Variants in TRIO observed in about 807,000 individuals in gnomAD.
TRIO encodes triple functional domain protein.
Under a neutral mutation model 351.9 loss-of-function variants are expected in TRIO, and 58 were observed. The observed-to-expected ratio is 0.16, with a 90% CI of 0.13 to 0.21. The LOEUF is 0.21. Ranked by LOEUF, TRIO falls within the 10% of genes least tolerant of loss-of-function variation. The pLI, the probability that TRIO is intolerant of heterozygous loss-of-function variation, is 1.00. For missense variants in TRIO, 3,201 were observed against 4,027.8 expected (o/e 0.79, Z 5.56); for synonymous variants, 1,758 against 1,595.7 (o/e 1.10, Z -2.42).
At chr5:14,183,848 A>G in intron 1 of TRIO, 2 of 653,366 alleles carry the variant, frequency 3.1e-6, no homozygotes, top group South Asian at 1.5e-5. Flanking sequence ...CCTGAGGGAC[A>G]CTGCCAACTG....
chr5:14,340,690 C>A (rs1211950053), intron 11 of TRIO, among the ~76,000 whole-genome samples: 1 of 152,166 alleles, frequency 6.6e-6, no homozygotes, highest in Non-Finnish European at 1.5e-5. Context: ...TCAGGAATCT[C>A]TTTAAGAAAC....
At chr5:14,212,567 C>T (rs974518695) in intron 1 of TRIO, among the ~76,000 whole-genome samples, 2 of 152,140 alleles carry the variant, frequency 1.3e-5, no homozygotes, top group African/African-American at 4.8e-5. Context: ...TAAATGTTAA[C>T]CTGTGCCAGT....
At position 14,175,337 on chromosome 5, in the gene TRIO, T is replaced by G. The variant is rs78066508; in HGVS notation, c.157+31455T>G. 1.9e-3 allele frequency among the ~76,000 whole-genome samples: 296 copies of G among 152,264 alleles called. 6 individuals are homozygous for G. In the East Asian group the frequency reaches 0.05, roughly 26 times the overall value. On this transcript the variant is annotated intron_variant, in intron 1 of 56. Coordinates refer to ENST00000344204, the MANE Select transcript of TRIO (RefSeq NM_007118.4). ...ATTCAAATGCTTTCTAAAAGGCGTT[T>G]TCTAATTCCTTTCCAGTTTTTTCCA... is the stretch of plus-strand genomic sequence containing the variant.
intron 37 of TRIO, among the ~76,000 whole-genome samples, chr5:14,467,746 G>A (rs960183773): frequency 1.3e-5 from 2 of 152,182 alleles, no homozygotes; most frequent in African/African-American, 4.8e-5. Flanking sequence ...CCAGGAGGTT[G>A]AGGCTGCAGT....
chr5:14,341,749 CAG>C (rs1741957944), intron 11 of TRIO, among the ~76,000 whole-genome samples: 1 of 152,284 alleles, frequency 6.6e-6, no homozygotes, highest in East Asian at 1.9e-4. Context: ...AGCTCTCAGC[CAG>C]AGTTTGTTTC....
At chr5:14,398,055 T>A (rs1375584631) in intron 29 of TRIO, among the ~76,000 whole-genome samples, 1 of 152,222 alleles carries the variant, frequency 6.6e-6, no homozygotes, top group Non-Finnish European at 1.5e-5. Context: ...CCCGCTACTT[T>A]GCTCACTTGC....
chr5:14,147,124 A>G (rs1471123008), intron 1 of TRIO, among the ~76,000 whole-genome samples: 1 of 152,222 alleles, frequency 6.6e-6, no homozygotes, highest in Non-Finnish European at 1.5e-5. Context: ...AGAGCTCAGC[A>G]CAGTAAAACC....
intron 2 of TRIO, among the ~76,000 whole-genome samples, chr5:14,278,597 T>G (rs1735737796): frequency 6.6e-6 from 1 of 152,214 alleles, no homozygotes; most frequent in Admixed American, 6.5e-5. Flanking sequence ...CTATGATAAT[T>G]TCAGTCAAGG....
intron 34 of TRIO, among the ~76,000 whole-genome samples, chr5:14,429,635 T>C (rs553985743): frequency 1.6e-4 from 25 of 152,292 alleles, no homozygotes; most frequent in African/African-American, 5.5e-4. Flanking sequence ...AACTTTTTTC[T>C]AAATAAGAGA....
At chr5:14,268,903 G>T (rs760471936) in intron 1 of TRIO, among the ~76,000 whole-genome samples, 1 of 152,156 alleles carries the variant, frequency 6.6e-6, no homozygotes, top group Non-Finnish European at 1.5e-5. Flanking sequence ...AGTGAGTTAC[G>T]GTGACTGGCA....
At chr5:14,456,557 AGCAT>A (rs138929446) in intron 34 of TRIO, among the ~76,000 whole-genome samples, 56 of 152,354 alleles carry the variant, frequency 3.7e-4, no homozygotes, top group African/African-American at 1.3e-3. Context: ...AAAGGACAGG[AGCAT>A]GCCTGCACAG....
intron 1 of TRIO, among the ~76,000 whole-genome samples, chr5:14,174,385 A>G (rs1789283638): frequency 6.6e-6 from 1 of 152,218 alleles, no homozygotes; most frequent in Admixed American, 6.5e-5. Flanking sequence ...AAGCCCCAGC[A>G]AAGCTGCTCC....
intron 10 of TRIO, among the ~76,000 whole-genome samples, chr5:14,335,254 A>G (rs1180445275): frequency 6.6e-6 from 1 of 152,056 alleles, no homozygotes; most frequent in Non-Finnish European, 1.5e-5. Context: ...CAGTCTCCCA[A>G]CTTGGAGGCC....
chr5:14,479,971 A>C lies in TRIO; in HGVS notation c.6296A>C (p.Lys2099Thr). 1 of 1,614,170 alleles carries C rather than the reference A, an allele frequency of 6.2e-7. No homozygotes were observed. The highest frequency in any genetic ancestry group is 2.2e-5 in the East Asian group (1 of 44,890). Reference protein sequence around the residue: ...HRLQLTDLLIKPVQRIMKYQL... With the variant: ...HRLQLTDLLITPVQRIMKYQL... Reference sequence around the variant, plus strand: ...TTACAGCTCACAGATCTGTTGATCAAACCAGTGCAGAGAATCATGAAGTAT... The same window carrying C: ...TTACAGCTCACAGATCTGTTGATCACACCAGTGCAGAGAATCATGAAGTAT... Residue 2099 changes from lysine (K) to threonine (T), a missense_variant, in exon 43 of 57, where the codon AAA becomes ACA. Physicochemically the swap from Lys to Thr is moderately conservative, Grantham distance 78 (BLOSUM62 -1). Transcript: ENST00000344204.
At chr5:14,150,833 C>T (rs756721434) in intron 1 of TRIO, among the ~76,000 whole-genome samples, 4 of 152,040 alleles carry the variant, frequency 2.6e-5, no homozygotes, top group Non-Finnish European at 5.9e-5. Context: ...TATAATTGCC[C>T]GGGGGTGATC....
intron 7 of TRIO, among the ~76,000 whole-genome samples, chr5:14,301,987 C>G (rs1034522656): frequency 6.6e-6 from 1 of 152,174 alleles, no homozygotes; most frequent in African/African-American, 2.4e-5. Context: ...GGGCAGAATC[C>G]TTTGTCCACA....
intron 43 of TRIO, 83 bp downstream of exon 43, chr5:14,480,094 G>A (rs767933116): frequency 4.7e-4 from 599 of 1,282,698 alleles, no homozygotes; most frequent in Non-Finnish European, 6.3e-4. Flanking sequence ...GAAGGATTTG[G>A]TAGGACAGGG....
At chr5:14,502,419 G>A (rs1241234063) in intron 53 of TRIO, among the ~76,000 whole-genome samples, 160 bp from the exon 54 acceptor site, 2 of 152,204 alleles carry the variant, frequency 1.3e-5, no homozygotes, top group African/African-American at 4.8e-5. Context: ...CAGTGTCTGT[G>A]TGTCCTTTAT....
chr5:14,175,465 A>G (rs977216519), intron 1 of TRIO, among the ~76,000 whole-genome samples: 2 of 152,166 alleles, frequency 1.3e-5, no homozygotes, highest in African/African-American at 4.8e-5. Context: ...TTTGCTGCGT[A>G]AATTATACAT....
Sources: gnomAD v4.1 joint callset for allele counts (sites outside exome capture counted in the v4.1 genomes callset) on GRCh38, gnomAD v4.1.1 for gene constraint, MANE v1.5 for transcripts, NCBI Gene and HGNC (gene_info 2026-07-23, HGNC 2026-07-21) for gene names.